Variants in MRAP2 observed in about 807,000 individuals in gnomAD.
MRAP2 encodes melanocortin-2 receptor accessory protein 2.
Under a neutral mutation model 17.4 loss-of-function variants are expected in MRAP2, and 20 were observed. The ratio of observed to expected loss-of-function variants is 1.15; its 90% confidence interval spans 0.81 to 1.67. The LOEUF (loss-of-function observed/expected upper bound fraction) is 1.67, where lower values mean the gene tolerates loss of function less well. Among genes scored for constraint, MRAP2 ranks in the 40% most tolerant of loss-of-function variants. The probability of loss-of-function intolerance (pLI) is 0.00; values close to 1 mark genes in which losing one functional copy is unlikely to be tolerated. For missense variants in MRAP2, 238 were observed against 240.0 expected, an observed-to-expected ratio of 0.99 and a Z score of 0.05; for synonymous variants, 96 against 88.4, an observed-to-expected ratio of 1.09 and a Z score of -0.48.
chr6:84,048,942 T>C (rs1423560688), intron 1 of MRAP2, among the ~76,000 whole-genome samples: 1 of 152,186 alleles, frequency 6.6e-6, no homozygotes, highest in African/African-American at 2.4e-5. Context: ...CCTGAATCTG[T>C]AGAGCCAGGG....
intron 2 of MRAP2, among the ~76,000 whole-genome samples, chr6:84,061,097 G>A (rs914757240): frequency 1.3e-5 from 2 of 152,018 alleles, no homozygotes; most frequent in African/African-American, 4.8e-5. Flanking sequence ...TAGTTTTTCA[G>A]AGTGCTGAAT....
chr6:84,140,543 G>A, the MRAP2 span, among the ~76,000 whole-genome samples: 1 of 152,088 alleles, frequency 6.6e-6, no homozygotes, highest in Non-Finnish European at 1.5e-5. Context: ...TTTGTTTTTC[G>A]TAGAGACAGG....
intron 2 of MRAP2, among the ~76,000 whole-genome samples, chr6:84,059,110 A>G (rs760781541): frequency 3.9e-5 from 6 of 152,196 alleles, no homozygotes; most frequent in African/African-American, 7.2e-5. Flanking sequence ...TGATGAGTCA[A>G]TGAGTGGACA....
chr6:84,120,620 T>C, the MRAP2 span, among the ~76,000 whole-genome samples: 1 of 152,128 alleles, frequency 6.6e-6, no homozygotes. Context: ...CAAAATAGAA[T>C]ATAGAATCGT....
chr6:84,117,665 G>GTGTA, the MRAP2 span, among the ~76,000 whole-genome samples: 3 of 144,764 alleles, frequency 2.1e-5, no homozygotes, highest in East Asian at 5.8e-4. Flanking sequence ...GTGTGTGTGT[G>GTGTA]TGTGTGTGTG....
the MRAP2 span, among the ~76,000 whole-genome samples, chr6:84,098,047 A>G: frequency 6.6e-6 from 1 of 152,192 alleles, no homozygotes; most frequent in African/African-American, 2.4e-5. Context: ...AGAAACCATC[A>G]CCACAATCAA....
At chr6:84,110,673 C>T in the MRAP2 span, among the ~76,000 whole-genome samples, 1 of 152,194 alleles carries the variant, frequency 6.6e-6, no homozygotes, top group South Asian at 2.1e-4. Flanking sequence ...GAAGGCTTTG[C>T]CCATGCCTAT....
At chr6:84,129,259 G>A in the MRAP2 span, among the ~76,000 whole-genome samples, 163 of 152,242 alleles carry the variant, frequency 1.1e-3, 1 homozygote, top group Non-Finnish European at 2.0e-3. Context: ...TCCTTGAGGA[G>A]TCGCCACACT....
the MRAP2 span, among the ~76,000 whole-genome samples, chr6:84,142,043 C>A: frequency 6.6e-6 from 1 of 152,090 alleles, no homozygotes; most frequent in African/African-American, 2.4e-5. Flanking sequence ...ACTAAAACAA[C>A]CCCCACATAC....
At chr6:84,121,888 C>G in the MRAP2 span, among the ~76,000 whole-genome samples, 1 of 131,142 alleles carries the variant, frequency 7.6e-6, no homozygotes, top group African/African-American at 4.6e-5. Context: ...CCTCAAGGAC[C>G]TAGAAAAACA....
chr6:84,106,678 G>A, the MRAP2 span, among the ~76,000 whole-genome samples: 1 of 152,112 alleles, frequency 6.6e-6, no homozygotes, highest in African/African-American at 2.4e-5. Context: ...ATGCAGGCTG[G>A]GAGAAAGAAG....
At chr6:84,111,340 C>T in the MRAP2 span, among the ~76,000 whole-genome samples, 2 of 152,038 alleles carry the variant, frequency 1.3e-5, no homozygotes, top group Non-Finnish European at 2.9e-5. Flanking sequence ...AAGTTTTATT[C>T]CTAGTTATTT....
chr6:84,084,759 T>A (rs1280988511), intron 3 of MRAP2, among the ~76,000 whole-genome samples: 5 of 152,136 alleles, frequency 3.3e-5, no homozygotes, highest in Non-Finnish European at 5.9e-5. Context: ...ATGATCTCCA[T>A]GATGCCCATT....
the MRAP2 span, among the ~76,000 whole-genome samples, chr6:84,122,402 C>G: frequency 3.7e-5 from 5 of 136,392 alleles, no homozygotes; most frequent in South Asian, 5.0e-4. Context: ...GGGCTTTATT[C>G]TAGGTATGTA....
At chr6:84,044,493 C>G (rs2099488469) in intron 1 of MRAP2, among the ~76,000 whole-genome samples, 1 of 152,208 alleles carries the variant, frequency 6.6e-6, no homozygotes, top group Non-Finnish European at 1.5e-5. Context: ...AGTCCAAGAT[C>G]AAGGTGCTGG....
At chr6:84,120,798 T>C in the MRAP2 span, among the ~76,000 whole-genome samples, 1 of 152,050 alleles carries the variant, frequency 6.6e-6, no homozygotes, top group Non-Finnish European at 1.5e-5. Flanking sequence ...CAGATAAAAA[T>C]ACACAAAACA....
the MRAP2 span, among the ~76,000 whole-genome samples, chr6:84,127,324 C>CTAATCA: frequency 6.6e-6 from 1 of 151,864 alleles, no homozygotes; most frequent in African/African-American, 2.4e-5. Flanking sequence ...AACAATAATA[C>CTAATCA]TAATACTAAA....
intron 2 of MRAP2, among the ~76,000 whole-genome samples, chr6:84,055,903 A>G (rs755249843): frequency 6.6e-6 from 1 of 152,162 alleles, no homozygotes; most frequent in Non-Finnish European, 1.5e-5. Flanking sequence ...ATAATGATGG[A>G]CCAGAATAGC....
chr6:84,036,231 T>A (rs192650085), intron 1 of MRAP2, among the ~76,000 whole-genome samples: 1 of 152,250 alleles, frequency 6.6e-6, no homozygotes, highest in East Asian at 1.9e-4. Context: ...ACTGGTTACT[T>A]CAAGAGTATG....
Sources: allele counts gnomAD v4.1 joint callset (sites outside exome capture counted in the v4.1 genomes callset), GRCh38; gene constraint gnomAD v4.1.1; transcripts MANE v1.5; gene names NCBI Gene and HGNC (gene_info 2026-07-23, HGNC 2026-07-21).